Variants in TTN observed in about 807,000 individuals in gnomAD.
TTN encodes the protein titin.
In TTN, 1,525 loss-of-function variants were observed where a neutral mutation model predicts 3,223.0. That is an observed-to-expected ratio of 0.47 (90% CI 0.45 to 0.49). The LOEUF (loss-of-function observed/expected upper bound fraction) is 0.49. TTN is among the 20% of genes least tolerant of loss of function. The pLI is 0.00. For synonymous variants in TTN, 14,094 were observed against 15,161.0 expected, an observed-to-expected ratio of 0.93 and a Z score of 5.17; for missense variants, 40,786 against 43,424.0, an observed-to-expected ratio of 0.94 and a Z score of 5.40.
At chr2:178,747,835 T>C in intron 47 of TTN, 1 of 1,612,952 alleles carries the variant, frequency 6.2e-7, no homozygotes, top group Non-Finnish European at 8.5e-7. Flanking sequence ...ATTTTTCTTC[T>C]CCAGAGGCAT....
chr2:178,559,395 C>G lies in TTN; in HGVS notation c.86737G>C (p.Ala28913Pro), dbSNP rs2154157801. ...CCAGAGACTCTGAAGTAATAGATAG[C>G]TCCTTCTTGTAAATTGGTAACTTTG... ...SYKVTNLQEGAIYYFRVSGEN... is the reference protein window; with the variant it reads ...SYKVTNLQEGPIYYFRVSGEN... The change falls in exon 326 of 363, where the codon GCT becomes CCT. Residue 28913 changes from alanine (A) to proline (P), a missense_variant. Ala to Pro is a conservative substitution (Grantham distance 27). Transcript: ENST00000589042. 6.2e-7 allele frequency: 1 copy of G among 1,613,722 alleles called. No homozygotes were observed. The highest frequency in any genetic ancestry group is 2.2e-5 in the East Asian group (1 of 44,864).
Position 178,717,649 on chromosome 2 carries a change from A to T in TTN, c.25225T>A (p.Ser8409Thr). The change falls in exon 87 of 363, where the codon TCT becomes ACT. Residue 8409 changes from serine (S) to threonine (T), a missense_variant. Physicochemically the swap from Ser to Thr is moderately conservative, Grantham distance 58. Transcript: ENST00000589042. ...LLKDDANLQT[S>T]FVHNVATLQI... ...AGAGTTGCTACATTATGAACAAAAG[A>T]TGTCTGCAAATTAGCATCATCTTTC... 1.2e-6 allele frequency: 2 copies of T among 1,613,432 alleles called. No homozygotes were observed. Among genetic ancestry groups the T allele is most frequent in the Non-Finnish European group, 1.7e-6 (2 of 1,179,586 alleles).
chr2:178,535,951 C>T (rs772352122), intron 357 of TTN, 31 bp downstream of exon 357: 32 of 1,520,590 alleles, frequency 2.1e-5, no homozygotes, highest in Non-Finnish European at 2.7e-5. Context: ...CTCATTTAGC[C>T]TCAACTTGAT....
At chr2:178,780,356 AG>A in intron 21 of TTN, 151 bp from the exon 22 acceptor site, 1 of 690,612 alleles carries the variant, frequency 1.4e-6, no homozygotes, top group East Asian at 2.7e-5. Context: ...AATATTTTCT[AG>A]ATGGAATTTG....
At chr2:178,747,328 T>G (rs746365628) in intron 47 of TTN, 2 of 1,613,382 alleles carry the variant, frequency 1.2e-6, no homozygotes, top group Non-Finnish European at 1.7e-6. Flanking sequence ...ATCTTTCAAC[T>G]GTCTCACCTC....
chr2:178,586,307 TG>T lies in TTN; in HGVS notation c.64396+197del, dbSNP rs1159118487. 3.9e-5 allele frequency among the ~76,000 whole-genome samples: 6 copies of T among 152,230 alleles called. No homozygotes were observed. In the East Asian group the frequency reaches 5.8e-4, roughly 15 times the overall value. ...AATAAATGGGTATTGTTTCAGGAAA[TG>T]TTTTTTAGTTATATATGTGTTTGTA... On this transcript the variant is annotated intron_variant, in intron 308 of 362. Transcript: ENST00000589042.
chr2:178,778,039 A>C, intron 24 of TTN, 64 bp from the exon 25 acceptor site: 1 of 1,559,492 alleles, frequency 6.4e-7, no homozygotes, highest in African/African-American at 1.4e-5. Context: ...AACAAACTTC[A>C]TTTTGTCTTA....
chr2:178,535,115 G>A lies in TTN; in HGVS notation c.101500C>T (p.His33834Tyr), dbSNP rs534907370. 6.8e-6 allele frequency: 11 copies of A among 1,613,746 alleles called. No homozygotes were observed. The South Asian group carries it at 8.8e-5, about 13-fold the overall frequency. The change falls in exon 358 of 363, where the codon CAT becomes TAT. Residue 33834 changes from histidine to tyrosine, a missense_variant. Physicochemically the swap from His to Tyr is moderately conservative, Grantham distance 83. Coordinates refer to ENST00000589042, the MANE Select transcript of TTN (RefSeq NM_001267550.2). ...DLGRGEFGIV[H>Y]RCVETSSKKT... is the part of the protein sequence containing the mutation. ...TTTGAGGATGTTTCAACACAACGAT[G>A]GACAATTCCAAACTCACCACGCCCA...
chr2:178,749,718 T>C (rs1438621496), intron 47 of TTN: 1 of 1,612,906 alleles, frequency 6.2e-7, no homozygotes, highest in African/African-American at 1.3e-5. Flanking sequence ...CATTTATATT[T>C]TCCAGAATCT....
At chr2:178,748,114 G>A in intron 47 of TTN, 1 of 1,613,128 alleles carries the variant, frequency 6.2e-7, no homozygotes, top group Non-Finnish European at 8.5e-7. Context: ...AATGTGAGAT[G>A]GAACTTCTGC....
intron 10 of TTN, among the ~76,000 whole-genome samples, chr2:178,791,839 TGC>T (rs1478630907): frequency 6.6e-6 from 1 of 152,164 alleles, no homozygotes; most frequent in Non-Finnish European, 1.5e-5. Context: ...TTCATAGATG[TGC>T]CCTAAACTGT....
At position 178,557,155 on chromosome 2, in the gene TTN, A is replaced by G; in HGVS notation, c.88010-11T>C. On this transcript the variant is annotated splice_polypyrimidine_tract_variant and intron_variant, in intron 329 of 362. Coordinates refer to ENST00000589042, the MANE Select transcript of TTN (RefSeq NM_001267550.2). ...CATTTCTTGGGGGTTCTGTGGTAATAAGAGAAGCAGATTAGCGGCACTTAT... is the reference window on the plus strand; with the variant it reads ...CATTTCTTGGGGGTTCTGTGGTAATGAGAGAAGCAGATTAGCGGCACTTAT... 6.2e-7 allele frequency: 1 copy of G among 1,613,078 alleles called. No individual in the cohort carries two copies. The highest frequency in any genetic ancestry group is 8.5e-7 in the Non-Finnish European group (1 of 1,179,606).
rs1222293280 is a variant in TTN, at chr2:178,566,971, A to C, written c.79161T>G (p.Pro26387=). The C allele has an allele frequency of 6.2e-7, 1 of 1,613,512 alleles. No homozygotes were observed. The highest frequency in any genetic ancestry group is 8.5e-7 in the Non-Finnish European group (1 of 1,179,676). The change falls in exon 326 of 363, where the codon CCT becomes CCG. Residue 26387 remains proline (P), a synonymous_variant. Coordinates refer to ENST00000589042, the MANE Select transcript of TTN (RefSeq NM_001267550.2). The part of the protein sequence containing the change: ...PVLMKNPFVL[P]GPPKSLEVTN... ...TGACTTCCAAGCTTTTTGGTGGTCC[A>C]GGAAGCACAAATGGATTTTTCATTA...
rs771799877 is a variant in TTN, at chr2:178,634,897, A to G, written c.42025-48T>C. 1.1e-4 allele frequency: 170 copies of G among 1,568,626 alleles called. 1 individual carries two copies. The highest frequency in any genetic ancestry group is 1.3e-4 in the Non-Finnish European group (154 of 1,163,646). ...ACCATTTGAAAGAGATAAATTCCCT[A>G]TAGGAGAAGTGTTTCAGATACAAAT... On this transcript the variant is annotated intron_variant, in intron 228 of 362. Coordinates refer to ENST00000589042, the MANE Select transcript of TTN (RefSeq NM_001267550.2). The surrounding 1 kb of genome is among the most constrained non-coding windows in gnomAD (Gnocchi z 4.6).
intron 257 of TTN, 53 bp from the exon 258 acceptor site, chr2:178,615,841 A>G (rs1559824918): frequency 1.9e-6 from 3 of 1,549,874 alleles, no homozygotes; most frequent in Non-Finnish European, 1.7e-6. Context: ...CCTTTCGCCA[A>G]CCCAAAAGAT....
At chr2:178,597,424 G>T in intron 294 of TTN, 114 bp downstream of exon 294, 1 of 1,227,106 alleles carries the variant, frequency 8.1e-7, no homozygotes. Flanking sequence ...CATGATTATG[G>T]GTGATTTTTC....
At chr2:178,801,299 A>T (rs2094049525) in intron 3 of TTN, among the ~76,000 whole-genome samples, 1 of 152,186 alleles carries the variant, frequency 6.6e-6, no homozygotes, top group Non-Finnish European at 1.5e-5. Context: ...AATTTTTTAT[A>T]AGTGTGAGGA....
intron 115 of TTN, 46 bp downstream of exon 115, chr2:178,695,302 A>G (rs766329590): frequency 1.3e-5 from 19 of 1,475,388 alleles, no homozygotes; most frequent in Non-Finnish European, 1.5e-5. Context: ...AAGCCATGAT[A>G]ATGATGTTGA....
Position 178,535,368 on chromosome 2 carries a change from C to T in TTN, c.101247G>A (p.Val33749=). 6.2e-7 allele frequency: 1 copy of T among 1,613,902 alleles called. No individual in the cohort carries two copies. Residue 33749 remains valine, a synonymous_variant, in exon 358 of 363, where the codon GTG becomes GTA. Coordinates refer to ENST00000589042, the MANE Select transcript of TTN (RefSeq NM_001267550.2). ...VGQARETRYT[V]INLFGKTSYQ... is the part of the protein sequence containing the mutation. The stretch of plus-strand genomic sequence containing the variant: ...AACTTGTTTTTCCAAATAAGTTGAT[C>T]ACGGTATAACGTGTTTCTCGGGCCT...
Sources: gnomAD v4.1 joint callset for allele counts (sites outside exome capture counted in the v4.1 genomes callset) on GRCh38, gnomAD v4.1.1 for gene constraint, Gnocchi (gnomAD v3.1) non-coding constraint, MANE v1.5 for transcripts, NCBI Gene and HGNC (gene_info 2026-07-23, HGNC 2026-07-21) for gene names.